FGD6: variants seen among roughly 807,000 people sequenced by gnomAD.
The protein encoded by FGD6 is FYVE, RhoGEF and PH domain-containing protein 6.
Under a neutral mutation model 149.4 loss-of-function variants are expected in FGD6, and 90 were observed. The ratio of observed to expected loss-of-function variants is 0.60; its 90% CI spans 0.51 to 0.72. FGD6 has a LOEUF of 0.72. Among genes scored for constraint, FGD6 ranks in the 30% least tolerant of loss-of-function variants. The pLI is 0.00. For missense variants in FGD6, 1,437 were observed against 1,684.8 expected (o/e 0.85, Z 2.57); for synonymous variants, 527 against 584.0 (o/e 0.90, Z 1.41).
At chr12:95,187,344 A>AT (rs1491539905) in intron 2 of FGD6, among the ~76,000 whole-genome samples, 9 of 149,002 alleles carry the variant, frequency 6.0e-5, no homozygotes, top group Non-Finnish European at 1.3e-4. Context: ...AAAAAAAAAA[A>AT]CAAGTTACTT....
At chr12:95,126,069 A>AT in intron 8 of FGD6, 1 of 1,204,280 alleles carries the variant, frequency 8.3e-7, no homozygotes, top group African/African-American at 1.5e-5. Flanking sequence ...GAAAGCCAAG[A>AT]TGACAGATTC....
At chr12:95,189,211 A>G (rs1169605097) in intron 2 of FGD6, 1 of 152,242 alleles carries the variant, frequency 6.6e-6, no homozygotes, top group Non-Finnish European at 1.5e-5. Context: ...GCCAGCACAG[A>G]TATTTACTGG....
intron 8 of FGD6, chr12:95,126,149 T>A: frequency 9.6e-7 from 1 of 1,046,226 alleles, no homozygotes; most frequent in South Asian, 1.3e-5. Flanking sequence ...TTAACAAGCT[T>A]CAAAAGGAAG....
Position 95,081,537 on chromosome 12 carries a change from C to A in FGD6, c.4276G>T (p.Glu1426Ter). 6.2e-7 allele frequency: 1 copy of A among 1,606,036 alleles called. No individual in the cohort carries two copies. Among genetic ancestry groups the A allele is most frequent in the Non-Finnish European group, 8.5e-7 (1 of 1,176,510 alleles). Residue 1426 changes from glutamate to a stop codon, truncating the protein, a stop_gained, in exon 21 of 21, where the codon GAA becomes TAA. Coordinates refer to ENST00000343958, the MANE Select transcript of FGD6 (RefSeq NM_018351.4). LOFTEE classifies it high-confidence loss of function. ...SAQKWIEAFQ[E>*]GTIL is the part of the protein sequence containing the mutation. ...CAATACTGCTACAATATTGTGCCTT[C>A]CTGAAATGCTTCTATCCACCTATTG... is the stretch of plus-strand genomic sequence containing the variant.
At chr12:95,181,565 T>C (rs1388643040) in intron 2 of FGD6, among the ~76,000 whole-genome samples, 1 of 152,262 alleles carries the variant, frequency 6.6e-6, no homozygotes, top group Non-Finnish European at 1.5e-5. Flanking sequence ...AATTTTGCTT[T>C]CTTAGAATTG....
At chr12:95,134,972 C>T (rs894925133) in intron 7 of FGD6, 146 bp from the exon 8 acceptor site, 4 of 622,876 alleles carry the variant, frequency 6.4e-6, no homozygotes, top group South Asian at 2.0e-5. Flanking sequence ...TAAGGTACAG[C>T]TGTTAGATAC....
At chr12:95,148,652 A>T (rs1281487291) in intron 5 of FGD6, among the ~76,000 whole-genome samples, 1 of 121,188 alleles carries the variant, frequency 8.3e-6, no homozygotes, top group African/African-American at 3.2e-5. Flanking sequence ...TATATATATT[A>T]TATATTATAT....
intron 2 of FGD6, among the ~76,000 whole-genome samples, chr12:95,181,941 CAA>C (rs767271799): frequency 5.9e-5 from 6 of 101,592 alleles, no homozygotes; most frequent in Admixed American, 1.2e-4. Context: ...GAGATTCTCT[CAA>C]AAAAAAAAAA....
At chr12:95,081,622 A>G (rs1431339120) in intron 20 of FGD6, 66 bp from the exon 21 acceptor site, 3 of 1,104,072 alleles carry the variant, frequency 2.7e-6, no homozygotes, top group Non-Finnish European at 4.0e-6. Flanking sequence ...CACCATATAG[A>G]TGACAGCTGG....
chr12:95,134,823 T>G lies in FGD6; in HGVS notation c.2998A>C (p.Ser1000Arg), dbSNP rs1253146579. 6.2e-7 allele frequency: 1 copy of G among 1,611,632 alleles called. No individual in the cohort carries two copies. Among genetic ancestry groups the G allele is most frequent in the South Asian group, 1.1e-5 (1 of 90,582 alleles). ...AGGGCCAGATTAGCACAGCGAGGGC[T>G]CATCTGAAAGGAGAAGGCATCTAAA... ...FAAVVREFEM[S>R]PRCANLALKH... The change falls in exon 8 of 21, where the codon AGC (serine) becomes CGC (arginine). Residue 1000 changes from serine (S) to arginine (R), a missense_variant. Coordinates refer to ENST00000343958, the MANE Select transcript of FGD6 (RefSeq NM_018351.4).
intron 2 of FGD6, among the ~76,000 whole-genome samples, chr12:95,194,517 G>A (rs1881687039): frequency 6.6e-6 from 1 of 152,248 alleles, no homozygotes. Context: ...TTACAGGCGT[G>A]AGCCACCACG....
chr12:95,108,939 C>G (rs1878722492), intron 9 of FGD6, among the ~76,000 whole-genome samples: 1 of 152,134 alleles, frequency 6.6e-6, no homozygotes, highest in Non-Finnish European at 1.5e-5. Flanking sequence ...TAAGGACCAG[C>G]CCAGTATAAA....
intron 2 of FGD6, among the ~76,000 whole-genome samples, chr12:95,184,937 G>A (rs920743734): frequency 9.2e-5 from 14 of 151,406 alleles, no homozygotes; most frequent in Admixed American, 3.3e-4. Flanking sequence ...GCAGTGGTGC[G>A]ATCTTGGCTT....
Position 95,163,269 on chromosome 12 carries a change from T to G in FGD6, c.2586+9331A>C, listed in dbSNP as rs143204247. 1.4e-4 allele frequency among the ~76,000 whole-genome samples: 21 copies of G among 152,262 alleles called. No individual in the cohort carries two copies. The East Asian group carries it at 1.5e-3, about 11-fold the overall frequency. On this transcript the variant is annotated intron_variant, in intron 3 of 20. Coordinates refer to ENST00000343958, the MANE Select transcript of FGD6 (RefSeq NM_018351.4). ...TTGCGCATATACCTTTCCTTTTGCC[T>G]TGACTTGCTTCCCCAGCACTTCTCC...
intron 2 of FGD6, among the ~76,000 whole-genome samples, chr12:95,184,476 CCAT>C (rs1881368978): frequency 6.6e-6 from 1 of 152,176 alleles, no homozygotes. Flanking sequence ...CAGTTATAAA[CCAT>C]CAATAACCCC....
At chr12:95,132,404 A>C (rs907857439) in intron 8 of FGD6, among the ~76,000 whole-genome samples, 1 of 152,180 alleles carries the variant, frequency 6.6e-6, no homozygotes, top group Non-Finnish European at 1.5e-5. Flanking sequence ...ATGAAACCTA[A>C]ATTTAACATA....
intron 1 of FGD6, among the ~76,000 whole-genome samples, chr12:95,212,281 A>T (rs957970297): frequency 2.0e-5 from 3 of 152,186 alleles, no homozygotes; most frequent in Non-Finnish European, 4.4e-5. Flanking sequence ...TCCACAGGTT[A>T]TGTTGTTTAT....
rs150440348 is a variant in FGD6, at chr12:95,210,801, C to A, written c.483G>T (p.Leu161Phe). The change falls in exon 2 of 21, where the codon TTG (leucine) becomes TTT (phenylalanine). Residue 161 changes from leucine to phenylalanine, a missense_variant. Leu to Phe is a conservative substitution (Grantham distance 22). Transcript: ENST00000343958. Reference sequence around the variant, plus strand: ...CCTGGTTCTTGGCTTTTTCACCATACAAATCACATTTACTCCTAGTTTTTA... The same window carrying A: ...CCTGGTTCTTGGCTTTTTCACCATAAAAATCACATTTACTCCTAGTTTTTA... Reference protein sequence around the residue: ...LTIKTRSKCDLYGEKAKNQGG... With the variant: ...LTIKTRSKCDFYGEKAKNQGG... 12 of 1,613,908 alleles carry A rather than the reference C, an allele frequency of 7.4e-6. No individual in the cohort carries two copies. The South Asian group carries it at 9.9e-5, about 13-fold the overall frequency.
chr12:95,134,912 A>C (rs1359956940), intron 7 of FGD6, 86 bp from the exon 8 acceptor site: 2 of 934,406 alleles, frequency 2.1e-6, no homozygotes, highest in Non-Finnish European at 3.2e-6. Flanking sequence ...CCAAACTTTA[A>C]ACATCAAGCA....
Sources: gnomAD v4.1 joint callset for allele counts (sites outside exome capture counted in the v4.1 genomes callset) on GRCh38, gnomAD v4.1.1 for gene constraint, MANE v1.5 for transcripts, NCBI Gene and HGNC (gene_info 2026-07-23, HGNC 2026-07-21) for gene names.